The following KANK1 variants were observed in gnomAD, a reference collection of about 807,000 sequenced individuals.
The protein encoded by KANK1 is KN motif and ankyrin repeat domains 1, also known as KN motif and ankyrin repeat domain-containing protein 1.
A neutral mutation model predicts 106.2 loss-of-function variants in KANK1; 109 were observed. That is an observed-to-expected ratio of 1.03 (90% CI 0.88 to 1.20). The LOEUF is 1.20. KANK1 is among the 50% of genes most tolerant of loss of function. KANK1 has a pLI of 0.00. For synonymous variants in KANK1, 873 were observed against 652.2 expected (o/e 1.34, Z -5.16); for missense variants, 2,399 against 1,710.7 (o/e 1.40, Z -7.10).
In KANK1 at chr9:742,379, G is replaced by T. The variant is rs764155090; in HGVS notation, c.3871G>T (p.Gly1291Cys). Residue 1291 changes from glycine to cysteine, a missense_variant, in exon 10 of 12, where the codon GGC becomes TGC. Transcript: ENST00000382297. ...EIVKLLLAQPGCNGHLEDNDG... is the reference protein window; with the variant it reads ...EIVKLLLAQPCCNGHLEDNDG... ...TGTCAAGCTGCTGCTGGCCCAGCCCGGCTGCAACGGTCACCTAGAGGACAA... is the reference window on the plus strand; with the variant it reads ...TGTCAAGCTGCTGCTGGCCCAGCCCTGCTGCAACGGTCACCTAGAGGACAA... The T allele has an allele frequency of 1.2e-6, 2 of 1,613,752 alleles. No individual in the cohort carries two copies. Among genetic ancestry groups the T allele is most frequent in the African/African-American group, 2.7e-5 (2 of 75,026 alleles).
chr9:675,449 G>A (rs931087643), intron 1 of KANK1, among the ~76,000 whole-genome samples: 4 of 152,108 alleles, frequency 2.6e-5, no homozygotes, highest in African/African-American at 9.7e-5. Context: ...TTTACTGTTT[G>A]CTAGTATTTT....
chr9:692,951 G>C (rs1430955150), intron 2 of KANK1, among the ~76,000 whole-genome samples: 1 of 152,082 alleles, frequency 6.6e-6, no homozygotes, highest in Non-Finnish European at 1.5e-5. Flanking sequence ...ACAGTGAGCT[G>C]TGATTGCACC....
rs1183645459 is a variant in KANK1, at chr9:713,162, T to A, written c.2396T>A (p.Val799Asp). ...GLTASRRSVG[V>D]GDDPVGESLE... ...ACAGCCAGCAGAAGGAGCGTGGGGG[T>A]TGGGGATGACCCTGTAGGGGAATCT... Residue 799 changes from valine to aspartate, a missense_variant, in exon 3 of 12, where the codon GTT becomes GAT. Val to Asp is a radical substitution (Grantham distance 152, BLOSUM62 -3). Coordinates refer to ENST00000382297, the MANE Select transcript of KANK1 (RefSeq NM_015158.5). 1 of 1,589,594 alleles carries A rather than the reference T, an allele frequency of 6.3e-7. No individual in the cohort carries two copies. The highest frequency in any genetic ancestry group is 1.2e-5 in the South Asian group (1 of 85,794).
chr9:615,376 T>C (rs1831557503), intron 1 of KANK1, among the ~76,000 whole-genome samples: 1 of 152,246 alleles, frequency 6.6e-6, no homozygotes, highest in South Asian at 2.1e-4. Context: ...TCTTCCTTTT[T>C]GCTAGAATTC....
chr9:600,164 A>G (rs1827365755), intron 1 of KANK1, among the ~76,000 whole-genome samples: 1 of 151,786 alleles, frequency 6.6e-6, no homozygotes, highest in South Asian at 2.1e-4. Flanking sequence ...TCATCTTTCA[A>G]AACAAAAGCG....
intron 1 of KANK1, chr9:660,339 G>T: frequency 4.9e-6 from 1 of 205,814 alleles, no homozygotes; most frequent in African/African-American, 2.3e-5. Context: ...GCTGTGGCTC[G>T]CTGAAGCTTG....
At chr9:644,997 A>G (rs1367446190) in intron 1 of KANK1, among the ~76,000 whole-genome samples, 1 of 149,970 alleles carries the variant, frequency 6.7e-6, no homozygotes, top group Non-Finnish European at 1.5e-5. Flanking sequence ...GGCGGTGTGC[A>G]CCTGTAGTCC....
At chr9:591,302 A>G (rs981614053) in intron 1 of KANK1, among the ~76,000 whole-genome samples, 6 of 151,810 alleles carry the variant, frequency 4.0e-5, no homozygotes, top group East Asian at 1.9e-4. Context: ...TATGGTTTCC[A>G]TATAGGCTAA....
rs776280378 is a variant in KANK1, at chr9:730,127, T to C, written c.2775T>C (p.Pro925=). The C allele has an allele frequency of 6.2e-7, 1 of 1,614,190 alleles. No homozygotes were observed. Among genetic ancestry groups the C allele is most frequent in the Non-Finnish European group, 8.5e-7 (1 of 1,180,004 alleles). ...CCTTAAGCTCCCAGACATCCCAGCCTGAGCAAGAAGTGGGGACCTCAGAAG... is the reference window on the plus strand; with the variant it reads ...CCTTAAGCTCCCAGACATCCCAGCCCGAGCAAGAAGTGGGGACCTCAGAAG... ...GSPLSSQTSQ[P]EQEVGTSEGK... Residue 925 remains proline, a synonymous_variant, in exon 4 of 12, where the codon CCT becomes CCC. Coordinates refer to ENST00000382297, the MANE Select transcript of KANK1 (RefSeq NM_015158.5).
chr9:551,200 C>A lies in KANK1; in HGVS notation c.-84+46446C>A, dbSNP rs147238433. Among the ~76,000 whole-genome samples the A allele has an allele frequency of 2.6e-3, 400 of 151,364 alleles. 2 individuals are homozygous for A. The highest frequency in any genetic ancestry group is 9.0e-3 in the African/African-American group (370 of 41,220). ...TGTTGCCTGGGGCTTTTCGCAGTTA[C>A]AATAAAAGTGGAAAGATGAAGAATA... On this transcript the variant is annotated intron_variant, in intron 1 of 11. Coordinates refer to ENST00000382297, the MANE Select transcript of KANK1 (RefSeq NM_015158.5).
At chr9:666,817 A>G (rs1343486207) in intron 1 of KANK1, among the ~76,000 whole-genome samples, 2 of 150,900 alleles carry the variant, frequency 1.3e-5, no homozygotes, top group Non-Finnish European at 2.9e-5. Context: ...GATCTTTTTA[A>G]TATCTTGCTG....
Position 711,652 on chromosome 9 carries a change from G to A in KANK1, c.886G>A (p.Glu296Lys). 1.9e-6 allele frequency: 3 copies of A among 1,614,202 alleles called. No individual in the cohort carries two copies. Among genetic ancestry groups the A allele is most frequent in the Non-Finnish European group, 2.5e-6 (3 of 1,180,042 alleles). ...CCAGGTAAAGATCTCTGTCTTGCAA[G>A]AAGAGAAAAGGCAGTTGGTCTCACA... The part of the protein sequence containing the change: ...VLQVKISVLQ[E>K]EKRQLVSQLK... Residue 296 changes from glutamate to lysine, a missense_variant, in exon 3 of 12, where the codon GAA becomes AAA. Physicochemically the swap from Glu to Lys is moderately conservative, Grantham distance 56 (BLOSUM62 1). Transcript: ENST00000382297.
intron 1 of KANK1, among the ~76,000 whole-genome samples, chr9:507,384 C>T (rs933445005): frequency 6.6e-6 from 1 of 151,962 alleles, no homozygotes; most frequent in African/African-American, 2.4e-5. Flanking sequence ...CATAGGTATA[C>T]ATATCCCACA....
intron 1 of KANK1, among the ~76,000 whole-genome samples, chr9:510,048 A>G (rs548339795): frequency 7.2e-5 from 11 of 151,822 alleles, no homozygotes; most frequent in African/African-American, 2.4e-4. Context: ...CTGGCCTCAA[A>G]CAATCCTCCC....
chr9:519,151 A>C (rs1440767500), intron 1 of KANK1, among the ~76,000 whole-genome samples: 3 of 151,624 alleles, frequency 2.0e-5, no homozygotes, highest in Admixed American at 2.0e-4. Flanking sequence ...CGGCCTCCCA[A>C]AGTGCTGGGA....
rs1844482826 is a variant in KANK1, at chr9:666,036, C to A, written c.-83-10854C>A. 2.0e-5 allele frequency among the ~76,000 whole-genome samples: 3 copies of A among 152,158 alleles called. No individual in the cohort carries two copies. In the Middle Eastern group the frequency reaches 0.01, roughly 518 times the overall value. On this transcript the variant is annotated intron_variant, in intron 1 of 11. Transcript: ENST00000382297. ...CTCTAAAAAAAAATCAAAATATTAG[C>A]CAGACGTGGTGGCATGTGCCTGTGG...
intron 3 of KANK1, among the ~76,000 whole-genome samples, chr9:723,443 C>G (rs1829874626): frequency 1.3e-5 from 2 of 152,110 alleles, no homozygotes. Context: ...CAAATTCCAT[C>G]CGACTTACAC....
At chr9:597,686 CAG>C (rs1826565372) in intron 1 of KANK1, among the ~76,000 whole-genome samples, 2 of 150,806 alleles carry the variant, frequency 1.3e-5, no homozygotes, top group Admixed American at 6.6e-5. Flanking sequence ...TTTTTTTAGA[CAG>C]AGTCTTGCTC....
chr9:693,675 C>T (rs1820530892), intron 2 of KANK1: 1 of 985,356 alleles, frequency 1.0e-6, no homozygotes, highest in Non-Finnish European at 1.2e-6. Context: ...TCTGCAACAG[C>T]TCCTGGGCTC....
Sources: allele counts gnomAD v4.1 joint callset (sites outside exome capture counted in the v4.1 genomes callset), GRCh38; gene constraint gnomAD v4.1.1; transcripts MANE v1.5; gene names NCBI Gene and HGNC (gene_info 2026-07-23, HGNC 2026-07-21).